PLXNA2: variants seen among roughly 807,000 people sequenced by gnomAD.
PLXNA2 encodes the protein plexin-A2.
Under a neutral mutation model 193.5 loss-of-function variants are expected in PLXNA2, and 91 were observed. That is an observed-to-expected ratio of 0.47 (90% CI 0.40 to 0.56). PLXNA2 has a LOEUF of 0.56. PLXNA2 is among the 20% of genes least tolerant of loss of function. PLXNA2 has a pLI of 0.00. For synonymous variants in PLXNA2, 997 were observed against 1,027.3 expected, an observed-to-expected ratio of 0.97 and a Z score of 0.56; for missense variants, 1,995 against 2,503.2, an observed-to-expected ratio of 0.80 and a Z score of 4.33.
chr1:208,040,539 T>C lies in PLXNA2; in HGVS notation c.4287-481A>G, dbSNP rs143789160. Among the ~76,000 whole-genome samples, 73 of 152,330 alleles carry C rather than the reference T, an allele frequency of 4.8e-4. No homozygotes were observed. In the East Asian group the frequency reaches 8.3e-3, roughly 17 times the overall value. ...CAAAAACACTCAAGGTTAGACTTCC[T>C]TGGGTTCAAATCCTGATTCTGCCAT... On this transcript the variant is annotated intron_variant, in intron 22 of 31. Transcript: ENST00000367033.
At chr1:208,183,353 C>T (rs1019991905) in intron 3 of PLXNA2, among the ~76,000 whole-genome samples, 8 of 152,202 alleles carry the variant, frequency 5.3e-5, no homozygotes. Flanking sequence ...GCCTTCCTGT[C>T]TCTTTTTTTC....
chr1:208,233,797 C>T (rs543796654), intron 1 of PLXNA2, among the ~76,000 whole-genome samples: 4 of 152,286 alleles, frequency 2.6e-5, no homozygotes, highest in South Asian at 2.1e-4. Context: ...CAGTGCCTCT[C>T]GGGGAGGGAG....
chr1:208,065,058 G>A (rs760562242), intron 12 of PLXNA2, among the ~76,000 whole-genome samples: 1 of 152,078 alleles, frequency 6.6e-6, no homozygotes, highest in African/African-American at 2.4e-5. Context: ...ACTGCTTGCA[G>A]GACTTTAAGC....
At chr1:208,166,848 C>T (rs143533532) in intron 3 of PLXNA2, among the ~76,000 whole-genome samples, 23 of 152,274 alleles carry the variant, frequency 1.5e-4, no homozygotes, top group East Asian at 7.7e-4. Flanking sequence ...CCTCTGGTTT[C>T]GGTTCCTCAC....
chr1:208,125,009 G>T (rs1211020541), intron 4 of PLXNA2, among the ~76,000 whole-genome samples: 1 of 152,152 alleles, frequency 6.6e-6, no homozygotes, highest in Non-Finnish European at 1.5e-5. Flanking sequence ...TCAGTGACTA[G>T]TATCTCCGGT....
chr1:208,195,733 A>T (rs1572020245), intron 3 of PLXNA2, among the ~76,000 whole-genome samples: 1 of 151,970 alleles, frequency 6.6e-6, no homozygotes, highest in Non-Finnish European at 1.5e-5. Flanking sequence ...GCTGCAGCCC[A>T]GGGGTGTCTG....
Position 208,042,157 on chromosome 1 carries a change from G to T in PLXNA2, c.4227C>A (p.Leu1409=). 1 of 1,614,206 alleles carries T rather than the reference G, an allele frequency of 6.2e-7. No individual in the cohort carries two copies. The highest frequency in any genetic ancestry group is 2.2e-5 in the East Asian group (1 of 44,886). ...CCAGGTTCTTATCGATGAGGTCAGA[G>T]AGCAGCTGCTTGAGGACATCAGTGG... ...EYATDVLKQL[L]SDLIDKNLEN... The change falls in exon 22 of 32, where the codon CTC becomes CTA. Residue 1409 remains leucine, a synonymous_variant. Coordinates refer to ENST00000367033, the MANE Select transcript of PLXNA2 (RefSeq NM_025179.4).
At chr1:208,210,165 C>T (rs749806402) in intron 3 of PLXNA2, 115 bp downstream of exon 3, 5 of 1,133,486 alleles carry the variant, frequency 4.4e-6, no homozygotes, top group African/African-American at 1.5e-5. Flanking sequence ...CACCTTTGTT[C>T]CCCAAGAAAA....
rs116305313 is a variant in PLXNA2 at position 208,200,408 on chromosome 1, C to T, written c.1371+9872G>A. 2.3e-3 allele frequency among the ~76,000 whole-genome samples: 349 copies of T among 152,220 alleles called. 1 individual carries two copies. Among genetic ancestry groups the T allele is most frequent in the African/African-American group, 8.2e-3 (340 of 41,534 alleles). On this transcript the variant is annotated intron_variant, in intron 3 of 31. Coordinates refer to ENST00000367033, the MANE Select transcript of PLXNA2 (RefSeq NM_025179.4). ...CTCTTAGCTTGATCATCTTGGGCTACACAAGTGACTTAGGTATATGCTGGG... is the reference window on the plus strand; with the variant it reads ...CTCTTAGCTTGATCATCTTGGGCTATACAAGTGACTTAGGTATATGCTGGG...
chr1:208,162,613 G>T (rs753421314), intron 3 of PLXNA2, among the ~76,000 whole-genome samples: 1 of 152,232 alleles, frequency 6.6e-6, no homozygotes, highest in African/African-American at 2.4e-5. Context: ...TTCACAATCA[G>T]GCAAGGAAGG....
intron 3 of PLXNA2, among the ~76,000 whole-genome samples, chr1:208,165,479 T>G (rs1430052842): frequency 6.6e-6 from 1 of 152,194 alleles, no homozygotes; most frequent in African/African-American, 2.4e-5. Flanking sequence ...CAGCGTGGAC[T>G]TCAGTAAGGG....
chr1:208,229,061 TACCA>T (rs1671602916), intron 1 of PLXNA2, among the ~76,000 whole-genome samples: 1 of 152,212 alleles, frequency 6.6e-6, no homozygotes, highest in Admixed American at 6.5e-5. Flanking sequence ...GATGCTGAGA[TACCA>T]GCTCCTTAGG....
intron 3 of PLXNA2, among the ~76,000 whole-genome samples, chr1:208,198,259 T>A (rs1237992446): frequency 6.6e-6 from 1 of 152,162 alleles, no homozygotes; most frequent in Non-Finnish European, 1.5e-5. Flanking sequence ...TCAAAATGAC[T>A]CCATTTCTCA....
intron 7 of PLXNA2, 52 bp from the exon 8 acceptor site, chr1:208,096,177 A>C (rs770002869): frequency 7.5e-7 from 1 of 1,331,948 alleles, no homozygotes; most frequent in East Asian, 2.3e-5. Flanking sequence ...TGGGGGACCC[A>C]GTGGACAGCC....
At chr1:208,218,553 T>C (rs1355284313) in intron 1 of PLXNA2, among the ~76,000 whole-genome samples, 2 of 152,206 alleles carry the variant, frequency 1.3e-5, no homozygotes, top group East Asian at 3.8e-4. Context: ...TGCTCTGTTA[T>C]CCACAGAGAG....
At chr1:208,027,653 C>A (rs901399931) in intron 31 of PLXNA2, among the ~76,000 whole-genome samples, 4 of 152,182 alleles carry the variant, frequency 2.6e-5, no homozygotes, top group African/African-American at 9.6e-5. Flanking sequence ...TAATCAATCT[C>A]TATTCATATT....
intron 12 of PLXNA2, among the ~76,000 whole-genome samples, chr1:208,064,318 T>C (rs1665715269): frequency 6.6e-6 from 1 of 152,222 alleles, no homozygotes; most frequent in Admixed American, 6.5e-5. Context: ...ACCAGGTTAC[T>C]AGTCACTTGC....
In PLXNA2 at chr1:208,216,890, G is replaced by T. The variant is rs753545846; in HGVS notation, c.1033C>A (p.Gln345Lys). The T allele has an allele frequency of 1.3e-5, 21 of 1,614,214 alleles. No individual in the cohort carries two copies. The South Asian group carries it at 2.1e-4, about 16-fold the overall frequency. ...LFAIFSKGQK[Q>K]YHHPPDDSAL... is the part of the protein sequence containing the mutation. ...GAGTCATCGGGCGGGTGGTGATACT[G>T]CTTCTGCCCTTTGGAGAAGATGGCA... is the stretch of plus-strand genomic sequence containing the variant. Residue 345 changes from glutamine (Q) to lysine (K), a missense_variant, in exon 2 of 32, where the codon CAG (glutamine) becomes AAG (lysine). By Grantham distance (53) the Gln-to-Lys change is moderately conservative. Around this residue, in one of 3 missense-constraint regions of PLXNA2, gnomAD observed 702 missense variants for 812.9 expected, o/e 0.86. Coordinates refer to ENST00000367033, the MANE Select transcript of PLXNA2 (RefSeq NM_025179.4).
chr1:208,204,928 T>A (rs1341899470), intron 3 of PLXNA2, among the ~76,000 whole-genome samples: 4 of 152,142 alleles, frequency 2.6e-5, no homozygotes, highest in Non-Finnish European at 5.9e-5. Flanking sequence ...GCCAGCAGCA[T>A]CTGCTGCTGT....
Sources: allele counts gnomAD v4.1 joint callset (sites outside exome capture counted in the v4.1 genomes callset), GRCh38; gene constraint gnomAD v4.1.1; regional missense constraint gnomAD v4.1.1; transcripts MANE v1.5; gene names NCBI Gene and HGNC (gene_info 2026-07-23, HGNC 2026-07-21).